SMAP2: variants seen among roughly 807,000 people sequenced by gnomAD.
SMAP2 encodes small ArfGAP2.
A neutral mutation model predicts 56.4 loss-of-function variants in SMAP2; 25 were observed. The observed-to-expected ratio is 0.44, with a 90% CI of 0.32 to 0.62. The LOEUF (loss-of-function observed/expected upper bound fraction) is 0.62. SMAP2 is among the 20% of genes least tolerant of loss of function. SMAP2 has a pLI of 0.04. For missense variants in SMAP2, 388 were observed against 545.6 expected, an observed-to-expected ratio of 0.71 and a Z score of 2.88; for synonymous variants, 157 against 181.7, an observed-to-expected ratio of 0.86 and a Z score of 1.09.
chr1:40,357,338 C>T (rs889553552), intron 1 of SMAP2, among the ~76,000 whole-genome samples: 4 of 152,044 alleles, frequency 2.6e-5, no homozygotes, highest in Non-Finnish European at 4.4e-5. Flanking sequence ...GCCTGTAGTC[C>T]TAGCTACTCA....
At chr1:40,352,120 T>A (rs907845771) in intron 1 of SMAP2, among the ~76,000 whole-genome samples, 6 of 152,196 alleles carry the variant, frequency 3.9e-5, no homozygotes, top group African/African-American at 1.2e-4. Context: ...TCCATGAAAT[T>A]TTTCATACAA....
intron 9 of SMAP2, among the ~76,000 whole-genome samples, chr1:40,418,947 T>G (rs1645015847): frequency 6.6e-6 from 1 of 152,218 alleles, no homozygotes. Flanking sequence ...GGGGTCATTT[T>G]CATTTTTGGC....
At chr1:40,381,326 T>C (rs183989033) in intron 1 of SMAP2, among the ~76,000 whole-genome samples, 209 of 152,266 alleles carry the variant, frequency 1.4e-3, no homozygotes, top group African/African-American at 4.9e-3. Context: ...TGTACAAATA[T>C]AAATGATGCA....
rs1248620523 is a variant in SMAP2 at position 40,417,011 on chromosome 1, C to G, written c.1079C>G (p.Ala360Gly). ...VPNGMMTTQQ[A>G]GYMAGMAAMP... ...AATGGAATGATGACCACCCAGCAGG[C>G]TGGCTACATGGCAGGCATGGCAGCT... The change falls in exon 9 of 10, where the codon GCT (alanine) becomes GGT (glycine). Residue 360 changes from alanine (A) to glycine (G), a missense_variant. Coordinates refer to ENST00000372718, the MANE Select transcript of SMAP2 (RefSeq NM_022733.3). 1 of 1,614,182 alleles carries G rather than the reference C, an allele frequency of 6.2e-7. No individual in the cohort carries two copies. The highest frequency in any genetic ancestry group is 1.1e-5 in the South Asian group (1 of 91,078).
intron 1 of SMAP2, among the ~76,000 whole-genome samples, chr1:40,377,122 C>T (rs1169752952): frequency 6.6e-6 from 1 of 151,916 alleles, no homozygotes; most frequent in Non-Finnish European, 1.5e-5. Flanking sequence ...CTTGTCTCTA[C>T]AAATAGTTAA....
intron 1 of SMAP2, among the ~76,000 whole-genome samples, chr1:40,360,004 CTTTTTTTTT>C (rs775408458): frequency 3.9e-5 from 4 of 102,486 alleles, no homozygotes; most frequent in Admixed American, 2.6e-4. Flanking sequence ...CTTCTTCTTT[CTTTTTTTTT>C]TTTTTTTTTT....
intron 1 of SMAP2, among the ~76,000 whole-genome samples, chr1:40,351,121 C>A (rs972479204): frequency 6.6e-6 from 1 of 152,160 alleles, no homozygotes; most frequent in African/African-American, 2.4e-5. Context: ...TTTTCTGGTG[C>A]CTTCTGGAGC....
At chr1:40,415,824 A>AT (rs1211312121) in intron 7 of SMAP2, among the ~76,000 whole-genome samples, 3 of 152,184 alleles carry the variant, frequency 2.0e-5, no homozygotes, top group Non-Finnish European at 4.4e-5. Flanking sequence ...CAAAGTGGAA[A>AT]TTTTACAGAT....
At position 40,408,861 on chromosome 1, in the gene SMAP2, T is replaced by A. The variant is rs74497305; in HGVS notation, c.323+123T>A. ...TATGTGGATTAGTCAGTGTCCTTGCTTGTCCTCTGTCCTGCAATCAAGGTG... is the reference window on the plus strand; with the variant it reads ...TATGTGGATTAGTCAGTGTCCTTGCATGTCCTCTGTCCTGCAATCAAGGTG... On this transcript the variant is annotated intron_variant, in intron 3 of 9. Transcript: ENST00000372718. The surrounding 1 kb of genome is among the most constrained non-coding windows in gnomAD (Gnocchi z 4.3). The A allele has an allele frequency of 7.4e-5, 54 of 725,122 alleles. No individual in the cohort carries two copies. In the African/African-American group the frequency reaches 9.4e-4, roughly 13 times the overall value. 44.9% of individuals were successfully genotyped at this position (725,122 alleles called of 1,614,324 possible).
chr1:40,373,115 T>C (rs1446781764), upstream of SMAP2, among the ~76,000 whole-genome samples: 3 of 152,182 alleles, frequency 2.0e-5, no homozygotes, highest in African/African-American at 7.2e-5. Context: ...TGTGAGAATT[T>C]AAGAAATGGA....
intron 1 of SMAP2, among the ~76,000 whole-genome samples, chr1:40,352,007 A>G (rs1644411103): frequency 6.6e-6 from 1 of 152,066 alleles, no homozygotes; most frequent in African/African-American, 2.4e-5. Flanking sequence ...AAGACTGCAC[A>G]CACCCGCACA....
intron 1 of SMAP2, among the ~76,000 whole-genome samples, chr1:40,406,255 C>T (rs1325578446): frequency 2.6e-5 from 4 of 152,162 alleles, no homozygotes; most frequent in African/African-American, 7.2e-5. Flanking sequence ...ATATAAGTAA[C>T]AGTCTTATAA....
chr1:40,399,709 AAAAAAG>A (rs200190085), intron 1 of SMAP2, among the ~76,000 whole-genome samples: 33,252 of 148,588 alleles, frequency 0.22, 3,920 homozygotes, highest in Middle Eastern at 0.32. Context: ...CTCAAAAAAA[AAAAAAG>A]AAAAGAAAAG....
intron 1 of SMAP2, among the ~76,000 whole-genome samples, chr1:40,381,382 T>A (rs187254644): frequency 6.6e-6 from 1 of 152,186 alleles, no homozygotes; most frequent in Non-Finnish European, 1.5e-5. Context: ...AATGAAAGCA[T>A]TGAAGAAGGC....
chr1:40,377,104 A>AGT (rs1644548072), intron 1 of SMAP2, among the ~76,000 whole-genome samples: 1 of 152,112 alleles, frequency 6.6e-6, no homozygotes, highest in Non-Finnish European at 1.5e-5. Flanking sequence ...TGGGCAACAT[A>AGT]GTGTGACCTT....
Position 40,374,808 on chromosome 1 carries a change from AT to A in SMAP2, c.103+586del. 6.5e-7 allele frequency: 1 copy of A among 1,549,742 alleles called. No homozygotes were observed. Among genetic ancestry groups the A allele is most frequent in the Non-Finnish European group, 8.7e-7 (1 of 1,146,506 alleles). On this transcript the variant is annotated intron_variant, in intron 1 of 9. Transcript: ENST00000372718. The surrounding 1 kb of genome is among the most constrained non-coding windows in gnomAD (Gnocchi z 5.9). ...TGCTTAGGTGACTTTATTCTTCTGG[AT>A]GTGTGCAGTGGGAAACTGCCTTATG... is the stretch of plus-strand genomic sequence containing the variant.
intron 1 of SMAP2, among the ~76,000 whole-genome samples, chr1:40,382,684 C>T (rs571799690): frequency 6.6e-6 from 1 of 152,310 alleles, no homozygotes; most frequent in African/African-American, 2.4e-5. Flanking sequence ...TTACCAAATT[C>T]CTCTATTGTT....
At chr1:40,381,122 A>G (rs1644593819) in intron 1 of SMAP2, among the ~76,000 whole-genome samples, 1 of 152,232 alleles carries the variant, frequency 6.6e-6, no homozygotes. Flanking sequence ...GGTGCCAGTG[A>G]GATGAAGAAT....
At chr1:40,406,586 A>G (rs1253369939) in intron 1 of SMAP2, 150 bp from the exon 2 acceptor site, 1 of 754,958 alleles carries the variant, frequency 1.3e-6, no homozygotes, top group Non-Finnish European at 2.1e-6. Context: ...AAGCTGACAC[A>G]TGGAGGAATG....
Sources: gnomAD v4.1 joint callset for allele counts (sites outside exome capture counted in the v4.1 genomes callset) on GRCh38, gnomAD v4.1.1 for gene constraint, Gnocchi (gnomAD v3.1) non-coding constraint, MANE v1.5 for transcripts, NCBI Gene and HGNC (gene_info 2026-07-23, HGNC 2026-07-21) for gene names.